Variants in FOXP1 observed in about 807,000 individuals in gnomAD.
The protein encoded by FOXP1 is forkhead box protein P1.
Under a neutral mutation model 98.2 loss-of-function variants are expected in FOXP1, and 15 were observed. The ratio of observed to expected loss-of-function variants is 0.15; its 90% CI spans 0.10 to 0.24. FOXP1 has a LOEUF of 0.24. Among genes scored for constraint, FOXP1 ranks in the 10% least tolerant of loss-of-function variants. The pLI is 1.00. For synonymous variants in FOXP1, 371 were observed against 314.5 expected (o/e 1.18, Z -1.90); for missense variants, 633 against 848.5 (o/e 0.75, Z 3.15).
chr3:71,530,722 G>C lies in FOXP1; in HGVS notation c.-297-37167C>G, dbSNP rs560638358. On this transcript the variant is annotated intron_variant, in intron 2 of 20. Transcript: ENST00000649528. ...TCTCATTTAACGTTCATGACAACAA[G>C]GTAGGTGTGATTGTTCCAGTTTTAC... Among the ~76,000 whole-genome samples the C allele has an allele frequency of 3.9e-5, 6 of 152,332 alleles. No homozygotes were observed. The South Asian group carries it at 1.2e-3, about 32-fold the overall frequency.
intron 2 of FOXP1, among the ~76,000 whole-genome samples, chr3:71,525,083 T>C (rs2043273253): frequency 6.6e-6 from 1 of 152,250 alleles, no homozygotes; most frequent in South Asian, 2.1e-4. Flanking sequence ...TCTTGGTATA[T>C]GCCTGATGCA....
chr3:71,016,656 AACACACACACACAC>A (rs4056100), intron 11 of FOXP1, among the ~76,000 whole-genome samples: 25 of 146,258 alleles, frequency 1.7e-4, no homozygotes, highest in African/African-American at 5.0e-4. Flanking sequence ...TGATTACAAG[AACACACACACACAC>A]ACACACACAC....
chr3:71,041,193 A>G, intron 11 of FOXP1, 135 bp downstream of exon 11: 1 of 761,244 alleles, frequency 1.3e-6, no homozygotes. Context: ...CATACTGAAT[A>G]CATTCCTCAG....
intron 2 of FOXP1, among the ~76,000 whole-genome samples, chr3:71,576,417 A>T (rs1043005685): frequency 2.6e-5 from 4 of 152,240 alleles, no homozygotes; most frequent in Non-Finnish European, 4.4e-5. Flanking sequence ...ATGTTCCCGA[A>T]CACAGCAGAC....
rs188373305 is a variant in FOXP1, at chr3:71,108,393, G to A, written c.282+4143C>T. Among the ~76,000 whole-genome samples, 7 of 152,282 alleles carry A rather than the reference G, an allele frequency of 4.6e-5. No individual in the cohort carries two copies. The East Asian group carries it at 5.8e-4, about 13-fold the overall frequency. ...TCAGCCAGTAAAGTTACGCATTTTC[G>A]AGGTTATGAGTACACCTGCACTGTT... On this transcript the variant is annotated intron_variant, in intron 7 of 20. Transcript: ENST00000649528.
At chr3:71,408,824 T>G (rs1266722261) in intron 3 of FOXP1, among the ~76,000 whole-genome samples, 1 of 152,162 alleles carries the variant, frequency 6.6e-6, no homozygotes, top group Non-Finnish European at 1.5e-5. Flanking sequence ...GAGACTACAG[T>G]CCACTAAAAA....
chr3:71,509,555 G>A (rs1468194815), intron 2 of FOXP1, among the ~76,000 whole-genome samples: 1 of 152,064 alleles, frequency 6.6e-6, no homozygotes, highest in Non-Finnish European at 1.5e-5. Context: ...ATACATCATG[G>A]GGGGAGGACA....
At chr3:71,181,750 T>A (rs2062307657) in intron 6 of FOXP1, among the ~76,000 whole-genome samples, 1 of 152,054 alleles carries the variant, frequency 6.6e-6, no homozygotes, top group African/African-American at 2.4e-5. Flanking sequence ...AAAACAAATG[T>A]GGCCGGGCGC....
chr3:71,413,861 A>C (rs1169924848), intron 3 of FOXP1, among the ~76,000 whole-genome samples: 2 of 152,116 alleles, frequency 1.3e-5, no homozygotes. Flanking sequence ...CGTTACCTGT[A>C]GGCACTTTTT....
Position 71,067,763 on chromosome 3 carries a change from C to CACACACACACAA in FOXP1, c.283-13991_283-13990insTTGTGTGTGTGT, listed in dbSNP as rs374096871. Reference sequence around the variant, plus strand: ...ACACACACACACACACACACACACACAATTAGCCACGTGTGATGGTGCATG... The same window carrying CACACACACACAA: ...ACACACACACACACACACACACACACACACACACACAAAATTAGCCACGTGTGATGGTGCATG... On this transcript the variant is annotated intron_variant, in intron 7 of 20. Coordinates refer to ENST00000649528, the MANE Select transcript of FOXP1 (RefSeq NM_001349338.3). Among the ~76,000 whole-genome samples the CACACACACACAA allele has an allele frequency of 8.5e-3, 1,271 of 149,830 alleles. 20 individuals are homozygous for CACACACACACAA. The highest frequency in any genetic ancestry group is 0.031 in the African/African-American group (1,217 of 39,864).
intron 20 of FOXP1, 123 bp downstream of exon 20, chr3:70,965,767 G>T: frequency 3.0e-6 from 3 of 1,002,558 alleles, no homozygotes; most frequent in African/African-American, 1.6e-5. Context: ...CTTCTAGCTT[G>T]GTTCTGGGAA....
intron 7 of FOXP1, among the ~76,000 whole-genome samples, chr3:71,057,868 T>C (rs1223842384): frequency 6.6e-6 from 1 of 152,180 alleles, no homozygotes; most frequent in East Asian, 1.9e-4. Context: ...ATGGGCCTGC[T>C]GCTACCTTAA....
At chr3:71,503,621 A>AAC (rs1442177637) in intron 2 of FOXP1, among the ~76,000 whole-genome samples, 2 of 151,256 alleles carry the variant, frequency 1.3e-5, no homozygotes, top group Non-Finnish European at 2.9e-5. Flanking sequence ...AAAAAAAAAA[A>AAC]CACCACGAAT....
At chr3:71,519,074 C>T (rs1354527780) in intron 2 of FOXP1, among the ~76,000 whole-genome samples, 4 of 152,156 alleles carry the variant, frequency 2.6e-5, no homozygotes, top group Admixed American at 1.3e-4. Context: ...GGTGAAACCC[C>T]ATCTCTACTA....
intron 6 of FOXP1, among the ~76,000 whole-genome samples, chr3:71,138,073 A>AT (rs2059906072): frequency 6.6e-6 from 1 of 152,106 alleles, no homozygotes; most frequent in South Asian, 2.1e-4. Flanking sequence ...GTAATGTATT[A>AT]TTGCCTGAGT....
At position 71,505,354 on chromosome 3, in the gene FOXP1, A is replaced by G. The variant is rs553324553; in HGVS notation, c.-297-11799T>C. On this transcript the variant is annotated intron_variant, in intron 2 of 20. Transcript: ENST00000649528. ...CCCCCAAGACAGGAGACAAGGAGGG[A>G]GTTTATGACGGCATATGAGGCATGC... Among the ~76,000 whole-genome samples the G allele has an allele frequency of 2.7e-3, 394 of 145,122 alleles. 1 individual carries two copies. The highest frequency in any genetic ancestry group is 9.5e-3 in the African/African-American group (376 of 39,632).
chr3:71,002,458 GAACA>G (rs1444477527), intron 12 of FOXP1, among the ~76,000 whole-genome samples: 2 of 152,138 alleles, frequency 1.3e-5, no homozygotes, highest in Non-Finnish European at 2.9e-5. Context: ...AAGAGTAAAT[GAACA>G]AACAATAGAA....
chr3:71,198,091 G>C, intron 6 of FOXP1, 111 bp downstream of exon 6: 3 of 1,613,990 alleles, frequency 1.9e-6, no homozygotes, highest in Non-Finnish European at 2.5e-6. Flanking sequence ...AAGACAGATG[G>C]ACAGACAGGT....
intron 5 of FOXP1, among the ~76,000 whole-genome samples, chr3:71,247,133 T>C (rs943894061): frequency 6.6e-6 from 1 of 152,190 alleles, no homozygotes; most frequent in Non-Finnish European, 1.5e-5. Context: ...GGGGAAAGTA[T>C]TGTGCAGAAC....
Sources: allele counts gnomAD v4.1 joint callset (sites outside exome capture counted in the v4.1 genomes callset), GRCh38; gene constraint gnomAD v4.1.1; transcripts MANE v1.5; gene names NCBI Gene and HGNC (gene_info 2026-07-23, HGNC 2026-07-21).